Variants in PTPN4 observed in about 807,000 individuals in gnomAD.
The protein encoded by PTPN4 is tyrosine-protein phosphatase non-receptor type 4.
A neutral mutation model predicts 135.5 loss-of-function variants in PTPN4; 49 were observed. That is an observed-to-expected ratio of 0.36 (90% CI 0.29 to 0.46). PTPN4 has a LOEUF of 0.46. PTPN4 is among the 20% of genes least tolerant of loss of function. The pLI, the probability that PTPN4 is intolerant of heterozygous loss-of-function variation, is 1.00. For missense variants in PTPN4, 860 were observed against 1,101.0 expected, an observed-to-expected ratio of 0.78 and a Z score of 3.10; for synonymous variants, 333 against 369.9, an observed-to-expected ratio of 0.90 and a Z score of 1.14.
intron 9 of PTPN4, among the ~76,000 whole-genome samples, chr2:119,894,298 A>C (rs1678285763): frequency 6.6e-6 from 1 of 152,236 alleles, no homozygotes; most frequent in Non-Finnish European, 1.5e-5. Context: ...CTCTTTTCTC[A>C]GATTGGAGCT....
chr2:119,844,622 G>A (rs933151857), intron 2 of PTPN4, among the ~76,000 whole-genome samples: 8 of 150,888 alleles, frequency 5.3e-5, no homozygotes, highest in South Asian at 4.2e-4. Flanking sequence ...ATGGGGCAGC[G>A]GGGCAGAGGC....
In PTPN4 at chr2:119,882,116, A is replaced by C; in HGVS notation, c.433A>C (p.Thr145Pro). The C allele has an allele frequency of 6.2e-7, 1 of 1,610,294 alleles. No homozygotes were observed. The highest frequency in any genetic ancestry group is 8.5e-7 in the Non-Finnish European group (1 of 1,176,640). ...TATTAGATTACCCTGTCCTTCTAAT[A>C]CTGCTGCCCTTTTAGCTTCATTTGC... is the stretch of plus-strand genomic sequence containing the variant. ...LTGRLPCPSN[T>P]AALLASFAVQ... is the part of the protein sequence containing the mutation. The change falls in exon 7 of 27, where the codon ACT (threonine) becomes CCT (proline). Residue 145 changes from threonine (T) to proline (P), a missense_variant. This residue lies in a region of PTPN4 where 684 missense variants were observed against 807.0 expected (regional missense o/e 0.85). Coordinates refer to ENST00000263708, the MANE Select transcript of PTPN4 (RefSeq NM_002830.4).
intron 1 of PTPN4, among the ~76,000 whole-genome samples, chr2:119,781,582 G>A (rs1690940958): frequency 2.6e-5 from 4 of 152,050 alleles, no homozygotes; most frequent in Admixed American, 2.6e-4. Flanking sequence ...ATTCTGCTGT[G>A]GTTAGCAAAC....
chr2:119,913,777 TA>T (rs1331547480), intron 10 of PTPN4, among the ~76,000 whole-genome samples: 1 of 152,146 alleles, frequency 6.6e-6, no homozygotes, highest in Non-Finnish European at 1.5e-5. Flanking sequence ...AATCAATCTT[TA>T]TACTGTTTAC....
chr2:119,830,589 C>T (rs1435371915), intron 2 of PTPN4, among the ~76,000 whole-genome samples: 1 of 152,138 alleles, frequency 6.6e-6, no homozygotes, highest in Non-Finnish European at 1.5e-5. Flanking sequence ...CTGCCTCAGC[C>T]TCCAGAGTAG....
intron 2 of PTPN4, among the ~76,000 whole-genome samples, chr2:119,821,326 C>T (rs1024352008): frequency 2.6e-5 from 4 of 151,958 alleles, no homozygotes; most frequent in South Asian, 4.2e-4. Context: ...CTCTTGACCT[C>T]GTGATCTGCC....
rs369881317 is a variant in PTPN4, at chr2:119,833,140, C to G, written c.138+23149C>G. On this transcript the variant is annotated intron_variant, in intron 2 of 26. Coordinates refer to ENST00000263708, the MANE Select transcript of PTPN4 (RefSeq NM_002830.4). The stretch of plus-strand genomic sequence containing the variant: ...CTTCATTGTTCTTCTCTAGTCTTGT[C>G]AGAAGTTTGTTGTTAATCTTTTTAA... Among the ~76,000 whole-genome samples the G allele has an allele frequency of 2.6e-5, 4 of 152,016 alleles. No individual in the cohort carries two copies. In the East Asian group the frequency reaches 7.7e-4, roughly 29 times the overall value.
At chr2:119,902,622 C>T (rs1678422661) in intron 10 of PTPN4, among the ~76,000 whole-genome samples, 1 of 152,112 alleles carries the variant, frequency 6.6e-6, no homozygotes, top group South Asian at 2.1e-4. Context: ...CAGAAGAATT[C>T]AACAAGGAAG....
intron 1 of PTPN4, among the ~76,000 whole-genome samples, chr2:119,764,579 G>GT (rs1475393198): frequency 4.6e-5 from 7 of 151,546 alleles, no homozygotes; most frequent in Admixed American, 1.3e-4. Context: ...ATGAATCCTG[G>GT]TAATAAGTAC....
intron 1 of PTPN4, among the ~76,000 whole-genome samples, chr2:119,769,889 A>G (rs1690703378): frequency 6.6e-6 from 1 of 152,212 alleles, no homozygotes. Flanking sequence ...GAGTAATCCA[A>G]GGGTCATTGT....
At chr2:119,897,546 A>G (rs1016194929) in intron 9 of PTPN4, among the ~76,000 whole-genome samples, 1 of 152,180 alleles carries the variant, frequency 6.6e-6, no homozygotes. Flanking sequence ...ATAATTATTT[A>G]CTTGCTTCAT....
At chr2:119,962,219 C>T (rs142782464) in intron 23 of PTPN4, among the ~76,000 whole-genome samples, 4,968 of 152,164 alleles carry the variant, frequency 0.033, 130 homozygotes, top group Non-Finnish European at 0.05. Flanking sequence ...CTTTGGGAGA[C>T]GGAGGCAGGT....
intron 25 of PTPN4, 108 bp downstream of exon 25, chr2:119,965,753 A>C: frequency 7.6e-7 from 1 of 1,308,524 alleles, no homozygotes; most frequent in Non-Finnish European, 1.0e-6. Flanking sequence ...TAATAATTAG[A>C]ACTCAAAGCT....
At chr2:119,895,983 G>T (rs1315788223) in intron 9 of PTPN4, among the ~76,000 whole-genome samples, 2 of 151,748 alleles carry the variant, frequency 1.3e-5, no homozygotes, top group East Asian at 3.9e-4. Flanking sequence ...AACAATTAGG[G>T]TATGTGCAGA....
intron 1 of PTPN4, among the ~76,000 whole-genome samples, chr2:119,773,177 T>C (rs1382038778): frequency 6.6e-6 from 1 of 152,210 alleles, no homozygotes; most frequent in African/African-American, 2.4e-5. Flanking sequence ...TGAATAGTTT[T>C]TCTTACTAAT....
chr2:119,886,434 C>A (rs986032346), intron 9 of PTPN4, among the ~76,000 whole-genome samples: 1 of 152,102 alleles, frequency 6.6e-6, no homozygotes, highest in African/African-American at 2.4e-5. Context: ...ACATTGCTGC[C>A]TTTGAAAAAC....
chr2:119,915,279 G>A lies in PTPN4; in HGVS notation c.828+37G>A, dbSNP rs554433173. The stretch of plus-strand genomic sequence containing the variant: ...TTTAATAATTATTGACATAAATGAA[G>A]CCTTTTAAGAAATACCCATTCATGA... On this transcript the variant is annotated intron_variant, in intron 11 of 26. Coordinates refer to ENST00000263708, the MANE Select transcript of PTPN4 (RefSeq NM_002830.4). The A allele has an allele frequency of 2.3e-5, 34 of 1,471,290 alleles. No individual in the cohort carries two copies. The East Asian group carries it at 8.4e-4, about 36-fold the overall frequency. 91.1% of individuals were successfully genotyped at this position (1,471,290 alleles called of 1,614,324 possible).
intron 2 of PTPN4, among the ~76,000 whole-genome samples, chr2:119,831,636 G>A (rs1408027145): frequency 6.6e-6 from 1 of 152,020 alleles, no homozygotes; most frequent in South Asian, 2.1e-4. Context: ...AAACTCTTTA[G>A]CTCTGAAATC....
chr2:119,884,073 T>C (rs956107645), intron 8 of PTPN4, among the ~76,000 whole-genome samples: 1 of 152,200 alleles, frequency 6.6e-6, no homozygotes, highest in Non-Finnish European at 1.5e-5. Flanking sequence ...TAATTTTTTG[T>C]ATTTTTAATA....
Sources: gnomAD v4.1 joint callset for allele counts (sites outside exome capture counted in the v4.1 genomes callset) on GRCh38, gnomAD v4.1.1 for gene constraint, gnomAD v4.1.1 regional missense constraint, MANE v1.5 for transcripts, NCBI Gene and HGNC (gene_info 2026-07-23, HGNC 2026-07-21) for gene names.